LOC128462377: variants seen among roughly 807,000 people sequenced by gnomAD.
At chr16:89,391,419 C>T in the LOC128462377 span, among the ~76,000 whole-genome samples, 1 of 152,112 alleles carries the variant, frequency 6.6e-6, no homozygotes, top group Non-Finnish European at 1.5e-5. Context: ...AGTGTCCAGG[C>T]TGCACGGGAT....
chr16:89,385,392 G>C, the LOC128462377 span, among the ~76,000 whole-genome samples: 2 of 152,122 alleles, frequency 1.3e-5, no homozygotes, highest in African/African-American at 4.8e-5. Flanking sequence ...GCCTCCCAAA[G>C]TGCTGGGATT....
the LOC128462377 span, among the ~76,000 whole-genome samples, chr16:89,355,224 C>G: frequency 3.3e-5 from 5 of 151,884 alleles, no homozygotes; most frequent in South Asian, 6.2e-4. Flanking sequence ...AGAGGGCTCA[C>G]GGAGGGAGGG....
the LOC128462377 span, among the ~76,000 whole-genome samples, chr16:89,334,609 C>G: frequency 6.6e-6 from 1 of 152,124 alleles, no homozygotes; most frequent in Non-Finnish European, 1.5e-5. Flanking sequence ...CAGACCCTGA[C>G]CCAGAGCAAG....
chr16:89,375,603 G>A, the LOC128462377 span, among the ~76,000 whole-genome samples: 1,271 of 151,838 alleles, frequency 8.4e-3, 27 homozygotes, highest in African/African-American at 0.028. Context: ...ACAGGCGCCC[G>A]CCACCACGCC....
the LOC128462377 span, chr16:89,317,147 C>T: frequency 1.5e-5 from 15 of 1,029,662 alleles, no homozygotes; most frequent in African/African-American, 3.2e-5. Context: ...TCTCACACCG[C>T]ACTCAACAGA....
the LOC128462377 span, among the ~76,000 whole-genome samples, chr16:89,400,938 C>T: frequency 3.3e-5 from 5 of 152,194 alleles, no homozygotes; most frequent in Admixed American, 2.0e-4. Flanking sequence ...CCACCCTGCT[C>T]GGGTTCACAG....
the LOC128462377 span, among the ~76,000 whole-genome samples, chr16:89,405,952 A>C: frequency 6.6e-6 from 1 of 152,118 alleles, no homozygotes; most frequent in African/African-American, 2.4e-5. Context: ...TCTACTAAAA[A>C]GACAAAAACT....
chr16:89,317,416 C>T, the LOC128462377 span, among the ~76,000 whole-genome samples: 6 of 152,178 alleles, frequency 3.9e-5, no homozygotes, highest in South Asian at 1.2e-3. Context: ...CAGGCTACAC[C>T]CAAAACGGTC....
the LOC128462377 span, among the ~76,000 whole-genome samples, chr16:89,337,237 A>G: frequency 6.6e-6 from 1 of 151,888 alleles, no homozygotes; most frequent in South Asian, 2.1e-4. Context: ...GCACAGATTA[A>G]TGGAGGAAGC....
the LOC128462377 span, among the ~76,000 whole-genome samples, chr16:89,392,917 T>C: frequency 6.6e-6 from 1 of 152,106 alleles, no homozygotes; most frequent in South Asian, 2.1e-4. Flanking sequence ...CCTTGGGACC[T>C]GCCTGCATCT....
chr16:89,372,233 A>G, the LOC128462377 span, among the ~76,000 whole-genome samples: 1 of 152,208 alleles, frequency 6.6e-6, no homozygotes, highest in African/African-American at 2.4e-5. Context: ...GAGCTGGGGA[A>G]AGAGCCACAC....
the LOC128462377 span, among the ~76,000 whole-genome samples, chr16:89,376,886 A>G: frequency 1.3e-5 from 2 of 152,246 alleles, no homozygotes; most frequent in East Asian, 3.8e-4. Flanking sequence ...GTGCAAATGC[A>G]GTAGGGTTTA....
chr16:89,403,055 G>A, the LOC128462377 span, among the ~76,000 whole-genome samples: 2 of 152,180 alleles, frequency 1.3e-5, no homozygotes, highest in African/African-American at 2.4e-5. Context: ...GCTCAACTGC[G>A]TGGTGGCGGG....
the LOC128462377 span, among the ~76,000 whole-genome samples, chr16:89,361,321 G>A: frequency 6.6e-6 from 1 of 152,214 alleles, no homozygotes; most frequent in Non-Finnish European, 1.5e-5. Context: ...AACCATCACA[G>A]CGCCGGGGGC....
the LOC128462377 span, among the ~76,000 whole-genome samples, chr16:89,359,953 A>C: frequency 6.6e-6 from 1 of 151,852 alleles, no homozygotes; most frequent in Non-Finnish European, 1.5e-5. Context: ...ATAAGTAAAC[A>C]CATGTCGGCA....
At chr16:89,387,724 C>T in the LOC128462377 span, among the ~76,000 whole-genome samples, 2 of 149,182 alleles carry the variant, frequency 1.3e-5, no homozygotes, top group Non-Finnish European at 3.0e-5. Context: ...TGTGCTTGGC[C>T]GGGCACGGTA....
chr16:89,343,171 A>G, the LOC128462377 span, among the ~76,000 whole-genome samples: 6 of 152,064 alleles, frequency 3.9e-5, no homozygotes, highest in Non-Finnish European at 8.8e-5. Flanking sequence ...TTGTATTTTT[A>G]GTGGAGACGG....
At chr16:89,385,384 C>G in the LOC128462377 span, among the ~76,000 whole-genome samples, 1 of 152,166 alleles carries the variant, frequency 6.6e-6, no homozygotes, top group African/African-American at 2.4e-5. Flanking sequence ...CCGCTTCAGC[C>G]TCCCAAAGTG....
the LOC128462377 span, among the ~76,000 whole-genome samples, chr16:89,379,604 G>C: frequency 6.6e-6 from 1 of 152,178 alleles, no homozygotes; most frequent in Non-Finnish European, 1.5e-5. Flanking sequence ...TCAGCCTCCT[G>C]GCTCCAACTT....
Sources: gnomAD v4.1 joint callset for allele counts (sites outside exome capture counted in the v4.1 genomes callset) on GRCh38, gnomAD v4.1.1 for gene constraint, MANE v1.5 for transcripts.